The following TSEN2 variants were observed in gnomAD, a reference collection of about 807,000 sequenced individuals.
The protein encoded by TSEN2 is tRNA splicing endonuclease subunit 2.
Under a neutral mutation model 59.2 loss-of-function variants are expected in TSEN2, and 54 were observed. The observed-to-expected ratio is 0.91, with a 90% CI of 0.73 to 1.14. The LOEUF is 1.14. Ranked by LOEUF, TSEN2 falls within the 50% of genes most tolerant of loss-of-function variation. The pLI is 0.00. For synonymous variants in TSEN2, 195 were observed against 198.2 expected (o/e 0.98, Z 0.14); for missense variants, 636 against 576.2 (o/e 1.10, Z -1.06).
chr3:12,525,860 C>T (rs1230941356), intron 8 of TSEN2, among the ~76,000 whole-genome samples: 4 of 151,918 alleles, frequency 2.6e-5, no homozygotes, highest in Non-Finnish European at 5.9e-5. Flanking sequence ...CCACCGCGCC[C>T]GGTGGTTTGT....
At chr3:12,535,591 G>C (rs192524111), downstream of TSEN2, among the ~76,000 whole-genome samples, 7 of 152,248 alleles carry the variant, frequency 4.6e-5, no homozygotes, top group East Asian at 1.2e-3. Context: ...GAGTGCAGTG[G>C]TGAGATCTTG....
Position 12,531,628 on chromosome 3 carries a change from C to T in TSEN2, c.1307C>T (p.Ser436Leu), listed in dbSNP as rs771820390. ...PSTMTDKEME[S>L]PECMKRIKVQ... ...ACTATGACTGACAAGGAAATGGAGT[C>T]ACCAGAATGTATGAAAAGGATTAAA... The change falls in exon 11 of 12, where the codon TCA (serine) becomes TTA (leucine). Residue 436 changes from serine (S) to leucine (L), a missense_variant. Physicochemically the swap from Ser to Leu is moderately radical, Grantham distance 145. Transcript: ENST00000284995. 6.2e-7 allele frequency: 1 copy of T among 1,612,268 alleles called. No homozygotes were observed. Among genetic ancestry groups the T allele is most frequent in the South Asian group, 1.1e-5 (1 of 91,018 alleles).
upstream of TSEN2, among the ~76,000 whole-genome samples, chr3:12,484,090 A>G (rs2052337924): frequency 6.6e-6 from 1 of 152,186 alleles, no homozygotes; most frequent in Non-Finnish European, 1.5e-5. Context: ...TCCTCTTTCT[A>G]CATTGAGAAA....
In TSEN2 at chr3:12,533,025, G is replaced by A; in HGVS notation, c.*304G>A. ...AGATTGGACTAGAGGAGTCCTGAGAGGACACTTCCAACAAGAGACATTTAT... is the reference window on the plus strand; with the variant it reads ...AGATTGGACTAGAGGAGTCCTGAGAAGACACTTCCAACAAGAGACATTTAT... On this transcript the variant is annotated 3_prime_UTR_variant, in exon 12 of 12. Transcript: ENST00000284995. 1 of 467,408 alleles carries A rather than the reference G, an allele frequency of 2.1e-6. No individual in the cohort carries two copies. Among genetic ancestry groups the A allele is most frequent in the Non-Finnish European group, 3.9e-6 (1 of 258,088 alleles). 29.0% of individuals were successfully genotyped at this position (467,408 alleles called of 1,614,324 possible). A position where few individuals can be genotyped will look rare whatever the true frequency, so the allele number is the denominator to read the frequency against.
chr3:12,487,875 T>C (rs754321585), intron 1 of TSEN2, among the ~76,000 whole-genome samples: 1 of 152,234 alleles, frequency 6.6e-6, no homozygotes, highest in Non-Finnish European at 1.5e-5. Context: ...TACAAAGTAA[T>C]GCTCAGTATG....
intron 4 of TSEN2, among the ~76,000 whole-genome samples, chr3:12,497,957 C>CTGGCACCCCT (rs2053919999): frequency 6.6e-6 from 1 of 152,190 alleles, no homozygotes; most frequent in Non-Finnish European, 1.5e-5. Context: ...CTGCTGGCTC[C>CTGGCACCCCT]TGGCACCCCT....
chr3:12,511,909 A>G (rs2055510515), intron 6 of TSEN2, among the ~76,000 whole-genome samples: 1 of 152,216 alleles, frequency 6.6e-6, no homozygotes. Context: ...CTAAGAGGCC[A>G]TAATATATAG....
At chr3:12,505,968 C>CA (rs1029416167) in intron 6 of TSEN2, among the ~76,000 whole-genome samples, 4 of 150,186 alleles carry the variant, frequency 2.7e-5, no homozygotes, top group Admixed American at 6.6e-5. Context: ...CTGTGTCAAA[C>CA]AAAAAAAAGA....
At chr3:12,523,810 A>G (rs1056257120) in intron 8 of TSEN2, among the ~76,000 whole-genome samples, 9 of 151,842 alleles carry the variant, frequency 5.9e-5, no homozygotes, top group African/African-American at 1.9e-4. Context: ...AAAGTGCTGG[A>G]ATTACAGGCG....
intron 8 of TSEN2, among the ~76,000 whole-genome samples, chr3:12,524,898 G>A (rs1041609420): frequency 2.0e-4 from 31 of 151,726 alleles, no homozygotes; most frequent in Middle Eastern, 3.2e-3. Flanking sequence ...GCTTGCCACC[G>A]TGCTTGAGCT....
chr3:12,536,348 A>G (rs1575490770), downstream of TSEN2, among the ~76,000 whole-genome samples: 1 of 152,158 alleles, frequency 6.6e-6, no homozygotes, highest in East Asian at 1.9e-4. Flanking sequence ...TTACCTTTGT[A>G]TAGATCATTT....
At chr3:12,489,268 T>G (rs2052967324) in intron 1 of TSEN2, among the ~76,000 whole-genome samples, 1 of 152,100 alleles carries the variant, frequency 6.6e-6, no homozygotes, top group Non-Finnish European at 1.5e-5. Context: ...CTTTAAAAAT[T>G]GGGAGCTGAT....
At chr3:12,530,195 T>C in intron 10 of TSEN2, 5 of 1,161,688 alleles carry the variant, frequency 4.3e-6, no homozygotes, top group Non-Finnish European at 5.3e-6. Context: ...GTGACTTGTT[T>C]TATACTGCAA....
At chr3:12,495,825 C>G (rs1192056148) in intron 3 of TSEN2, among the ~76,000 whole-genome samples, 1 of 152,118 alleles carries the variant, frequency 6.6e-6, no homozygotes, top group African/African-American at 2.4e-5. Context: ...GGACGAAAAC[C>G]CAGACCACTG....
rs968895156 is a variant in TSEN2 at position 12,510,681 on chromosome 3, T to C, written c.909+5450T>C. Among the ~76,000 whole-genome samples the C allele has an allele frequency of 8.5e-5, 13 of 152,326 alleles. No homozygotes were observed. The East Asian group carries it at 2.3e-3, about 27-fold the overall frequency. On this transcript the variant is annotated intron_variant, in intron 6 of 11. Transcript: ENST00000284995. The stretch of plus-strand genomic sequence containing the variant: ...TTTCCCGTGCTTAGTGTCCATAATA[T>C]GGATTCCAAGTATCAGAATCTGGTG...
chr3:12,503,635 C>G lies in TSEN2; in HGVS notation c.682C>G (p.Leu228Val), dbSNP rs770808119. 4 of 1,597,796 alleles carry G rather than the reference C, an allele frequency of 2.5e-6. No homozygotes were observed. The South Asian group carries it at 4.5e-5, about 18-fold the overall frequency. Residue 228 changes from leucine (L) to valine (V), a missense_variant, in exon 5 of 12, where the codon CTC becomes GTC. By Grantham distance (32) the Leu-to-Val change is conservative. Coordinates refer to ENST00000284995, the MANE Select transcript of TSEN2 (RefSeq NM_025265.4). ...TGTCTGTTGCTGCAAACAAGATGCT[C>G]TCATCCTCCAGCGTGGCCTTCATCA... The part of the protein sequence containing the change: ...PHVCCCKQDA[L>V]ILQRGLHHED...
chr3:12,498,781 A>T (rs1401142549), intron 4 of TSEN2, among the ~76,000 whole-genome samples: 1 of 152,210 alleles, frequency 6.6e-6, no homozygotes, highest in East Asian at 1.9e-4. Context: ...AGCAAGCTAC[A>T]TACGTCCCCC....
chr3:12,511,831 T>G (rs1269956707), intron 6 of TSEN2, among the ~76,000 whole-genome samples: 1 of 152,136 alleles, frequency 6.6e-6, no homozygotes, highest in Non-Finnish European at 1.5e-5. Flanking sequence ...CCTCCGAAAG[T>G]GCTAGGATTA....
At chr3:12,492,378 G>A (rs926430010) in intron 3 of TSEN2, among the ~76,000 whole-genome samples, 161 bp downstream of exon 3, 2 of 152,152 alleles carry the variant, frequency 1.3e-5, no homozygotes, top group African/African-American at 4.8e-5. Flanking sequence ...AAAGCAAAAG[G>A]GTTATGATTG....
Sources: allele counts gnomAD v4.1 joint callset (sites outside exome capture counted in the v4.1 genomes callset), GRCh38; gene constraint gnomAD v4.1.1; transcripts MANE v1.5; gene names NCBI Gene and HGNC (gene_info 2026-07-23, HGNC 2026-07-21).